The following ZNF423 variants were observed in gnomAD, a reference collection of about 807,000 sequenced individuals.
The protein encoded by ZNF423 is Ebf-associated zinc finger protein.
In ZNF423, 12 loss-of-function variants were observed where a neutral mutation model predicts 95.8. The observed-to-expected ratio is 0.13, with a 90% CI of 0.08 to 0.20. ZNF423 has a LOEUF of 0.20. Ranked by LOEUF, ZNF423 falls within the 10% of genes least tolerant of loss-of-function variation. ZNF423 has a pLI of 1.00. For synonymous variants in ZNF423, 749 were observed against 711.9 expected, an observed-to-expected ratio of 1.05 and a Z score of -0.83; for missense variants, 1,316 against 1,737.1, an observed-to-expected ratio of 0.76 and a Z score of 4.31.
intron 1 of ZNF423, among the ~76,000 whole-genome samples, chr16:49,845,261 C>T (rs188221243): frequency 8.6e-4 from 130 of 151,676 alleles, no homozygotes; most frequent in Non-Finnish European, 3.5e-4. Flanking sequence ...CATGCCACCA[C>T]GCCTGGCTAT....
intron 3 of ZNF423, among the ~76,000 whole-genome samples, chr16:49,712,713 A>G (rs1037137655): frequency 1.3e-5 from 2 of 152,264 alleles, no homozygotes; most frequent in Non-Finnish European, 2.9e-5. Context: ...TTTGGTGCTC[A>G]GAGCACCGGT....
intron 1 of ZNF423, among the ~76,000 whole-genome samples, chr16:49,849,669 G>A (rs528028735): frequency 1.3e-5 from 2 of 152,176 alleles, no homozygotes; most frequent in Non-Finnish European, 2.9e-5. Flanking sequence ...CAAGAGGGAG[G>A]GGAGGTAAAC....
chr16:49,679,449 C>G (rs369360619), intron 3 of ZNF423, among the ~76,000 whole-genome samples: 1 of 152,260 alleles, frequency 6.6e-6, no homozygotes, highest in Non-Finnish European at 1.5e-5. Flanking sequence ...CCTGGCTTCT[C>G]CCTGCTCCCA....
chr16:49,855,244 A>G lies in ZNF423; in HGVS notation c.40+491T>C, dbSNP rs1165227677. 6.7e-6 allele frequency among the ~76,000 whole-genome samples: 1 copy of G among 149,080 alleles called. No homozygotes were observed. The highest frequency in any genetic ancestry group is 1.5e-5 in the Non-Finnish European group (1 of 66,882). ...TCGGGCGACCAGGCAGGGGCCAGAG[A>G]GAGCCAGCGAGGCCCGGGGCCAGCG... On this transcript the variant is annotated intron_variant, in intron 1 of 7. Coordinates refer to ENST00000563137, the MANE Select transcript of ZNF423 (RefSeq NM_001379286.1). The surrounding 1 kb of genome is among the most constrained non-coding windows in gnomAD (Gnocchi z 4.7).
intron 1 of ZNF423, among the ~76,000 whole-genome samples, chr16:49,851,890 G>A (rs1456033601): frequency 6.6e-6 from 1 of 152,164 alleles, no homozygotes; most frequent in Non-Finnish European, 1.5e-5. Context: ...CTTAATTGAG[G>A]AGGGGGGATT....
At chr16:49,839,995 G>C (rs1231443545) in intron 1 of ZNF423, among the ~76,000 whole-genome samples, 1 of 152,184 alleles carries the variant, frequency 6.6e-6, no homozygotes, top group African/African-American at 2.4e-5. Context: ...CACTCAACTA[G>C]AATAAACCTG....
intron 2 of ZNF423, among the ~76,000 whole-genome samples, chr16:49,746,374 G>A (rs2033524943): frequency 6.6e-6 from 1 of 152,118 alleles, no homozygotes; most frequent in Non-Finnish European, 1.5e-5. Flanking sequence ...CTCAAAAGAG[G>A]ACAAGCTAAA....
chr16:49,745,947 T>C (rs1156967458), intron 2 of ZNF423, among the ~76,000 whole-genome samples: 1 of 152,104 alleles, frequency 6.6e-6, no homozygotes, highest in African/African-American at 2.4e-5. Flanking sequence ...CCAACTGGGA[T>C]CTGCGCCCCA....
chr16:49,566,041 G>A (rs987617750), intron 5 of ZNF423, among the ~76,000 whole-genome samples: 1 of 152,028 alleles, frequency 6.6e-6, no homozygotes, highest in African/African-American at 2.4e-5. Context: ...ACCTGTCTTT[G>A]CAAACCCCCT....
At chr16:49,522,024 G>C (rs1414049037) in intron 7 of ZNF423, among the ~76,000 whole-genome samples, 3 of 152,242 alleles carry the variant, frequency 2.0e-5, no homozygotes, top group Non-Finnish European at 4.4e-5. Flanking sequence ...TAACCCCAGA[G>C]GGGGAGGCAC....
At chr16:49,493,738 G>T (rs1967057374) in intron 7 of ZNF423, among the ~76,000 whole-genome samples, 1 of 152,216 alleles carries the variant, frequency 6.6e-6, no homozygotes, top group Non-Finnish European at 1.5e-5. Context: ...ATGAATGTAT[G>T]GATAGGATGT....
At chr16:49,593,206 G>C (rs1971070458) in intron 5 of ZNF423, among the ~76,000 whole-genome samples, 1 of 152,140 alleles carries the variant, frequency 6.6e-6, no homozygotes, top group African/African-American at 2.4e-5. Context: ...AGTGCTTTGG[G>C]AGGATCACAA....
intron 2 of ZNF423, among the ~76,000 whole-genome samples, chr16:49,738,026 G>A (rs564177411): frequency 6.6e-6 from 1 of 152,320 alleles, no homozygotes; most frequent in African/African-American, 2.4e-5. Flanking sequence ...CCATGCACCC[G>A]AGACAGAGAG....
intron 2 of ZNF423, among the ~76,000 whole-genome samples, chr16:49,751,555 T>C (rs1309482177): frequency 6.6e-6 from 1 of 152,182 alleles, no homozygotes; most frequent in Non-Finnish European, 1.5e-5. Context: ...ATTTCTAACA[T>C]GAGAGTTCTG....
chr16:49,593,576 C>T (rs1971086705), intron 5 of ZNF423, among the ~76,000 whole-genome samples: 1 of 152,120 alleles, frequency 6.6e-6, no homozygotes, highest in Non-Finnish European at 1.5e-5. Flanking sequence ...ATTGTAGCAC[C>T]TCCCACAGGT....
intron 3 of ZNF423, among the ~76,000 whole-genome samples, chr16:49,681,769 T>A (rs1176580494): frequency 6.6e-6 from 1 of 151,964 alleles, no homozygotes; most frequent in Non-Finnish European, 1.5e-5. Flanking sequence ...TGATTTTCTT[T>A]TTCTTTTTCT....
chr16:49,811,314 G>T (rs1377972852), intron 1 of ZNF423, among the ~76,000 whole-genome samples: 1 of 152,124 alleles, frequency 6.6e-6, no homozygotes, highest in Non-Finnish European at 1.5e-5. Context: ...TCAAGGCTCA[G>T]CTAGGAGAGG....
intron 2 of ZNF423, among the ~76,000 whole-genome samples, chr16:49,738,619 C>G (rs377275175): frequency 1.4e-4 from 21 of 152,022 alleles, no homozygotes; most frequent in African/African-American, 4.1e-4. Context: ...ATAGGGGAGG[C>G]CAGAGCAGGG....
intron 2 of ZNF423, among the ~76,000 whole-genome samples, chr16:49,742,314 G>C (rs1057476500): frequency 6.6e-6 from 1 of 152,162 alleles, no homozygotes; most frequent in Non-Finnish European, 1.5e-5. Context: ...TGAGTGGAAA[G>C]AAAAGAAGGC....
Sources: gnomAD v4.1 joint callset for allele counts (sites outside exome capture counted in the v4.1 genomes callset) on GRCh38, gnomAD v4.1.1 for gene constraint, Gnocchi (gnomAD v3.1) non-coding constraint, MANE v1.5 for transcripts, NCBI Gene and HGNC (gene_info 2026-07-23, HGNC 2026-07-21) for gene names.